Variants in NOS1AP observed in about 807,000 individuals in gnomAD.
NOS1AP encodes the protein carboxyl-terminal PDZ ligand of neuronal nitric oxide synthase protein.
In NOS1AP, 21 loss-of-function variants were observed where a neutral mutation model predicts 56.2. That is an observed-to-expected ratio of 0.37 (90% CI 0.26 to 0.54). The LOEUF is 0.54. Ranked by LOEUF, NOS1AP falls within the 20% of genes least tolerant of loss-of-function variation. The pLI, the probability that NOS1AP is intolerant of heterozygous loss-of-function variation, is 0.84. For synonymous variants in NOS1AP, 270 were observed against 274.6 expected, an observed-to-expected ratio of 0.98 and a Z score of 0.17; for missense variants, 522 against 657.8, an observed-to-expected ratio of 0.79 and a Z score of 2.26.
chr1:162,321,731 A>AAAAAAT (rs1480278757), intron 4 of NOS1AP, among the ~76,000 whole-genome samples: 26 of 128,488 alleles, frequency 2.0e-4, no homozygotes, highest in African/African-American at 6.9e-4. Flanking sequence ...AAAAAAAAAA[A>AAAAAAT]ATATATATAT....
rs144467358 is a variant in NOS1AP at position 162,255,207 on chromosome 1, A to G, written c.178-32137A>G. ...CACAGATGACCTTGAGGAACATTTT[A>G]TTTTGAGGTGGCTCCTAGAGTTTGT... On this transcript the variant is annotated intron_variant, in intron 2 of 9. Coordinates refer to ENST00000361897, the MANE Select transcript of NOS1AP (RefSeq NM_014697.3). Among the ~76,000 whole-genome samples, 400 of 152,254 alleles carry G rather than the reference A, an allele frequency of 2.6e-3. 2 individuals carry two copies. The highest frequency in any genetic ancestry group is 9.0e-3 in the African/African-American group (376 of 41,558).
At chr1:162,125,130 C>CT (rs56264198) in intron 1 of NOS1AP, among the ~76,000 whole-genome samples, 4,637 of 124,132 alleles carry the variant, frequency 0.037, 123 homozygotes, top group Non-Finnish European at 0.053. Flanking sequence ...GTTTCTGACT[C>CT]TTTTTTTTTT....
intron 2 of NOS1AP, among the ~76,000 whole-genome samples, chr1:162,201,171 T>C (rs535040988): frequency 4.9e-4 from 75 of 152,348 alleles, no homozygotes; most frequent in Middle Eastern, 3.4e-3. Context: ...TGATTTTCTG[T>C]TCCTGTGTTT....
intron 2 of NOS1AP, among the ~76,000 whole-genome samples, chr1:162,278,421 T>G (rs1654812470): frequency 6.6e-6 from 1 of 152,190 alleles, no homozygotes; most frequent in Non-Finnish European, 1.5e-5. Context: ...TTCATAATAC[T>G]TCATGCAAAT....
At chr1:162,096,359 C>T (rs1228716721) in intron 1 of NOS1AP, among the ~76,000 whole-genome samples, 1 of 152,154 alleles carries the variant, frequency 6.6e-6, no homozygotes, top group African/African-American at 2.4e-5. Flanking sequence ...CAGTGTCTTC[C>T]AGTGTAACTT....
At chr1:162,119,641 C>G (rs1312165795) in intron 1 of NOS1AP, among the ~76,000 whole-genome samples, 1 of 152,156 alleles carries the variant, frequency 6.6e-6, no homozygotes, top group Non-Finnish European at 1.5e-5. Flanking sequence ...ACTTGCATGG[C>G]TCTTTATTCT....
intron 5 of NOS1AP, among the ~76,000 whole-genome samples, chr1:162,343,435 G>T (rs1657174989): frequency 6.6e-6 from 1 of 152,068 alleles, no homozygotes; most frequent in Non-Finnish European, 1.5e-5. Flanking sequence ...GGAGCTCCAG[G>T]GAAACTCAAC....
At chr1:162,312,100 C>T (rs1656053910) in intron 4 of NOS1AP, among the ~76,000 whole-genome samples, 1 of 149,816 alleles carries the variant, frequency 6.7e-6, no homozygotes. Context: ...ATATACCCAG[C>T]AATGGGATGG....
At chr1:162,075,002 GGCTAT>G (rs1691738440) in intron 1 of NOS1AP, among the ~76,000 whole-genome samples, 2 of 152,186 alleles carry the variant, frequency 1.3e-5, no homozygotes, top group Non-Finnish European at 2.9e-5. Context: ...GGTCAAAACA[GGCTAT>G]TAGGGAAGAG....
intron 4 of NOS1AP, among the ~76,000 whole-genome samples, chr1:162,314,283 T>TCC (rs1049404570): frequency 2.6e-5 from 4 of 152,166 alleles, no homozygotes; most frequent in African/African-American, 9.7e-5. Context: ...AACCTCTGGA[T>TCC]CCGCCTCTCT....
At chr1:162,102,529 T>C (rs1461256057) in intron 1 of NOS1AP, among the ~76,000 whole-genome samples, 2 of 152,220 alleles carry the variant, frequency 1.3e-5, no homozygotes, top group African/African-American at 2.4e-5. Flanking sequence ...CAGTAAAATT[T>C]CTTTGTACTT....
chr1:162,217,529 T>C (rs61057922), intron 2 of NOS1AP, among the ~76,000 whole-genome samples: 1,993 of 152,130 alleles, frequency 0.013, 31 homozygotes, highest in African/African-American at 0.046. Flanking sequence ...CCTCCCAAAG[T>C]GCTGGGATTA....
intron 5 of NOS1AP, among the ~76,000 whole-genome samples, chr1:162,335,602 T>A (rs1290888866): frequency 6.6e-6 from 1 of 152,218 alleles, no homozygotes; most frequent in East Asian, 1.9e-4. Context: ...GACATGTGTG[T>A]TGCAGAGATG....
At chr1:162,366,933 G>A (rs2101832401) in intron 9 of NOS1AP, 119 bp from the exon 10 acceptor site, 1 of 1,123,976 alleles carries the variant, frequency 8.9e-7, no homozygotes, top group East Asian at 2.3e-5. Flanking sequence ...GCCCGGAGAG[G>A]TGCTGCTAAG....
Position 162,283,045 on chromosome 1 carries a change from C to A in NOS1AP, c.178-4299C>A, listed in dbSNP as rs1367840053. ...TTTCTGGCCAAGGTGACTGAAGAAC[C>A]AAGGATCCTGTTTTCTCTCTCTCTC... On this transcript the variant is annotated intron_variant, in intron 2 of 9. Coordinates refer to ENST00000361897, the MANE Select transcript of NOS1AP (RefSeq NM_014697.3). Among the ~76,000 whole-genome samples, 3 of 151,290 alleles carry A rather than the reference C, an allele frequency of 2.0e-5. No individual in the cohort carries two copies. The Admixed American group carries it at 2.0e-4, about 10-fold the overall frequency.
At chr1:162,280,971 C>T (rs552408902) in intron 2 of NOS1AP, among the ~76,000 whole-genome samples, 1 of 152,250 alleles carries the variant, frequency 6.6e-6, no homozygotes, top group South Asian at 2.1e-4. Context: ...GGAACCCTGC[C>T]CCCAAGATTC....
intron 2 of NOS1AP, among the ~76,000 whole-genome samples, chr1:162,220,983 C>T (rs975032598): frequency 2.6e-5 from 4 of 152,150 alleles, no homozygotes; most frequent in East Asian, 1.9e-4. Flanking sequence ...CACTCTGTCA[C>T]GAGGCTGGAG....
At chr1:162,158,283 G>A (rs757773226) in intron 2 of NOS1AP, among the ~76,000 whole-genome samples, 2 of 152,144 alleles carry the variant, frequency 1.3e-5, no homozygotes, top group African/African-American at 4.8e-5. Context: ...TTAGCATAAT[G>A]TCATCAAGGT....
chr1:162,288,293 T>C (rs1303239053), intron 3 of NOS1AP, among the ~76,000 whole-genome samples: 1 of 152,242 alleles, frequency 6.6e-6, no homozygotes, highest in East Asian at 1.9e-4. Context: ...CATTTATTGA[T>C]GGTAGCACCA....
Sources: allele counts gnomAD v4.1 joint callset (sites outside exome capture counted in the v4.1 genomes callset), GRCh38; gene constraint gnomAD v4.1.1; transcripts MANE v1.5; gene names NCBI Gene and HGNC (gene_info 2026-07-23, HGNC 2026-07-21).